Variants in SPTAN1 observed in about 807,000 individuals in gnomAD.
SPTAN1 encodes the protein spectrin alpha, non-erythrocytic 1.
Under a neutral mutation model 331.3 loss-of-function variants are expected in SPTAN1, and 61 were observed. That is an observed-to-expected ratio of 0.18 (90% CI 0.15 to 0.23). SPTAN1 has a LOEUF of 0.23. Among genes scored for constraint, SPTAN1 ranks in the 10% least tolerant of loss-of-function variants. The pLI is 1.00. For missense variants in SPTAN1, 2,043 were observed against 3,147.9 expected, an observed-to-expected ratio of 0.65 and a Z score of 8.40; for synonymous variants, 1,153 against 1,173.9, an observed-to-expected ratio of 0.98 and a Z score of 0.36.
chr9:128,563,087 C>T (rs1301475313), intron 1 of SPTAN1, among the ~76,000 whole-genome samples: 1 of 150,112 alleles, frequency 6.7e-6, no homozygotes, highest in Admixed American at 6.7e-5. Context: ...AGGTCACTCC[C>T]AGTTTTTGGT....
In SPTAN1 at chr9:128,629,511, G is replaced by A; in HGVS notation, c.6708-810G>A. 1 of 249,560 alleles carries A rather than the reference G, an allele frequency of 4.0e-6. No homozygotes were observed. Among genetic ancestry groups the A allele is most frequent in the Non-Finnish European group, 7.6e-6 (1 of 131,190 alleles). The allele number at this position is 249,560 out of a possible 1,614,324, so 15.5% of individuals were successfully genotyped here. ...TTTAAAAGGGTAGGTTGGGGTGAATGTGGGTACAGGGGAGCCTGGGCTAAA... is the reference window on the plus strand; with the variant it reads ...TTTAAAAGGGTAGGTTGGGGTGAATATGGGTACAGGGGAGCCTGGGCTAAA... On this transcript the variant is annotated intron_variant, in intron 51 of 56. Transcript: ENST00000372739. The surrounding 1 kb of genome is among the most constrained non-coding windows in gnomAD (Gnocchi z 4.9).
chr9:128,562,936 G>T (rs1849546971), intron 1 of SPTAN1, among the ~76,000 whole-genome samples: 1 of 148,076 alleles, frequency 6.8e-6, no homozygotes. Context: ...CTGCACTCCA[G>T]CCTGGGCGAC....
intron 21 of SPTAN1, among the ~76,000 whole-genome samples, chr9:128,590,657 C>A (rs1853361835): frequency 1.3e-5 from 2 of 151,720 alleles, no homozygotes; most frequent in African/African-American, 4.8e-5. Flanking sequence ...TGAGACCATC[C>A]TGGCCAACAT....
At chr9:128,622,629 G>A (rs1208505166) in intron 45 of SPTAN1, among the ~76,000 whole-genome samples, 1 of 152,078 alleles carries the variant, frequency 6.6e-6, no homozygotes, top group African/African-American at 2.4e-5. Flanking sequence ...CTCAGCGACA[G>A]CCTGTTTCCT....
intron 52 of SPTAN1, 136 bp downstream of exon 52, chr9:128,630,511 C>CT: frequency 1.3e-6 from 1 of 784,674 alleles, no homozygotes; most frequent in Non-Finnish European, 2.2e-6. Context: ...CTAAAGCAGT[C>CT]TAGGGCTCTT....
rs769425571 is a variant in SPTAN1 at position 128,621,144 on chromosome 9, T to C, written c.5734-14T>C. ...CAGGCTCTCAATAGTGTGCCTTGGC[T>C]GCTTCTACTCCAGGGCTTACTGAAG... On this transcript the variant is annotated splice_polypyrimidine_tract_variant and intron_variant, in intron 44 of 56. Coordinates refer to ENST00000372739, the MANE Select transcript of SPTAN1 (RefSeq NM_001130438.3). 8 of 1,613,618 alleles carry C rather than the reference T, an allele frequency of 5.0e-6. No homozygotes were observed. Among genetic ancestry groups the C allele is most frequent in the Non-Finnish European group, 6.8e-6 (8 of 1,179,490 alleles).
chr9:128,586,055 G>A (rs1852571964), intron 19 of SPTAN1, 90 bp downstream of exon 19: 3 of 1,091,550 alleles, frequency 2.7e-6, no homozygotes, highest in South Asian at 1.3e-5. Context: ...TGATGCGCGG[G>A]AGGTGTGCAT....
intron 1 of SPTAN1, chr9:128,555,544 G>A: frequency 2.1e-6 from 1 of 481,630 alleles, no homozygotes; most frequent in Non-Finnish European, 3.1e-6. Context: ...TAAACAAATT[G>A]GTTAGGATTT....
intron 1 of SPTAN1, among the ~76,000 whole-genome samples, chr9:128,561,146 G>T (rs537473264): frequency 2.0e-5 from 3 of 151,970 alleles, no homozygotes; most frequent in East Asian, 1.9e-4. Flanking sequence ...GAGGCGGGCG[G>T]ACCACAAGGT....
chr9:128,591,987 T>C (rs1853601920), intron 22 of SPTAN1, among the ~76,000 whole-genome samples: 1 of 152,194 alleles, frequency 6.6e-6, no homozygotes, highest in Non-Finnish European at 1.5e-5. Context: ...CTGTCTGCCA[T>C]AGCTTTGAGT....
chr9:128,579,505 C>A, intron 9 of SPTAN1, 132 bp from the exon 10 acceptor site: 1 of 718,776 alleles, frequency 1.4e-6, no homozygotes, highest in Non-Finnish European at 2.5e-6. Context: ...GGAAATCTGG[C>A]CTAATCTTTC....
At chr9:128,618,489 T>A (rs889156933) in intron 43 of SPTAN1, among the ~76,000 whole-genome samples, 2 of 151,670 alleles carry the variant, frequency 1.3e-5, no homozygotes, top group African/African-American at 4.8e-5. Context: ...TGTGAATGTT[T>A]TTGTTTTTGT....
rs764156958 is a variant in SPTAN1, at chr9:128,612,083, CTT to C, written c.4906-22_4906-21del. Reference sequence around the variant, plus strand: ...GGACGATTCTTCATAGATTTCATCTCTTTTTGGCTCCCTTCTGTTCCCCAGGC... The same window carrying C: ...GGACGATTCTTCATAGATTTCATCTCTTTGGCTCCCTTCTGTTCCCCAGGC... On this transcript the variant is annotated intron_variant, in intron 38 of 56. Transcript: ENST00000372739. The C allele has an allele frequency of 1.9e-6, 3 of 1,613,960 alleles. No homozygotes were observed. In the Admixed American group the frequency reaches 5.0e-5, roughly 27 times the overall value.
At chr9:128,596,990 T>C (rs1328176407) in intron 24 of SPTAN1, among the ~76,000 whole-genome samples, 3 of 152,088 alleles carry the variant, frequency 2.0e-5, no homozygotes, top group African/African-American at 7.2e-5. Flanking sequence ...CAAAACCCCA[T>C]CTCTGCTGAA....
intron 4 of SPTAN1, 143 bp downstream of exon 4, chr9:128,574,958 G>C: frequency 8.1e-7 from 1 of 1,238,310 alleles, no homozygotes; most frequent in African/African-American, 1.5e-5. Context: ...TGTCTCTCCA[G>C]CTGCTCTCTA....
chr9:128,566,074 T>G (rs1359189685), intron 1 of SPTAN1, among the ~76,000 whole-genome samples: 1 of 152,192 alleles, frequency 6.6e-6, no homozygotes, highest in African/African-American at 2.4e-5. Context: ...TTCTTTGTTT[T>G]CGGTTTTTGT....
At chr9:128,631,849 T>TTCCTGGAGTCCTCGCCGTACTTGTCC in intron 52 of SPTAN1, 1 of 483,438 alleles carries the variant, frequency 2.1e-6, no homozygotes, top group Middle Eastern at 5.7e-4. Context: ...TGGCCACTGC[T>TTCCTGGAGTCCTCGCCGTACTTGTCC]TCCTGGAGTC....
rs1049798730 is a variant in SPTAN1, at chr9:128,633,499, C to T, written c.*165C>T. On this transcript the variant is annotated 3_prime_UTR_variant, in exon 57 of 57. Coordinates refer to ENST00000372739, the MANE Select transcript of SPTAN1 (RefSeq NM_001130438.3). ...CACTAACCCGCTTCCGGTCCAGTCA[C>T]AATCATCATGTCACTGTGGGGACCC... 1 of 1,243,276 alleles carries T rather than the reference C, an allele frequency of 8.0e-7. No homozygotes were observed. The highest frequency in any genetic ancestry group is 1.3e-5 in the South Asian group (1 of 79,418). The allele number at this position is 1,243,276 out of a possible 1,614,324, so 77.0% of individuals were successfully genotyped here.
At chr9:128,593,289 C>T (rs182851964) in intron 23 of SPTAN1, 5 of 569,218 alleles carry the variant, frequency 8.8e-6, no homozygotes, top group African/African-American at 7.4e-5. Flanking sequence ...TTGGTTCTCC[C>T]TCCTGTTGGT....
Sources: gnomAD v4.1 joint callset for allele counts (sites outside exome capture counted in the v4.1 genomes callset) on GRCh38, gnomAD v4.1.1 for gene constraint, Gnocchi (gnomAD v3.1) non-coding constraint, MANE v1.5 for transcripts, NCBI Gene and HGNC (gene_info 2026-07-23, HGNC 2026-07-21) for gene names.